The following SYNPO2 variants were observed in gnomAD, a reference collection of about 807,000 sequenced individuals.
The protein encoded by SYNPO2 is synaptopodin 2.
SYNPO2 carries 56 observed loss-of-function variants against 85.0 expected under a neutral mutation model. The ratio of observed to expected loss-of-function variants is 0.66; its 90% CI spans 0.53 to 0.82. The LOEUF (loss-of-function observed/expected upper bound fraction) is 0.82. SYNPO2 is among the 40% of genes least tolerant of loss of function. SYNPO2 has a pLI of 0.00. For missense variants in SYNPO2, 1,575 were observed against 1,534.2 expected (o/e 1.03, Z -0.44); for synonymous variants, 602 against 591.1 (o/e 1.02, Z -0.27).
chr4:119,027,513 T>C (rs1249228789), intron 3 of SYNPO2, 75 bp downstream of exon 3: 2 of 1,334,782 alleles, frequency 1.5e-6, no homozygotes, highest in South Asian at 1.7e-5. Flanking sequence ...TGCATGAGTT[T>C]TTCAGCAAGA....
intron 4 of SYNPO2, chr4:119,033,672 GCTGTCA>G: frequency 1.0e-6 from 1 of 985,164 alleles, no homozygotes; most frequent in Non-Finnish European, 1.2e-6. Context: ...CTCTTTTTCT[GCTGTCA>G]CTGTCAATCT....
intron 1 of SYNPO2, among the ~76,000 whole-genome samples, chr4:118,968,535 A>G (rs1343806716): frequency 2.0e-5 from 3 of 152,206 alleles, no homozygotes; most frequent in Non-Finnish European, 4.4e-5. Context: ...CAGCTAAGAA[A>G]GCACCCATAG....
intron 4 of SYNPO2, among the ~76,000 whole-genome samples, chr4:119,044,634 GATTA>G (rs1323267135): frequency 1.2e-4 from 19 of 152,090 alleles, no homozygotes; most frequent in Admixed American, 4.6e-4. Flanking sequence ...AAGTTCAAGT[GATTA>G]AGATTCCTAA....
intron 1 of SYNPO2, among the ~76,000 whole-genome samples, chr4:118,966,668 A>G (rs10002266): frequency 4.5e-4 from 68 of 152,278 alleles, no homozygotes; most frequent in African/African-American, 1.6e-3. Flanking sequence ...ACACACACAT[A>G]CTTCTGGGAT....
At chr4:118,937,189 A>G (rs1734136181) in intron 1 of SYNPO2, among the ~76,000 whole-genome samples, 1 of 152,162 alleles carries the variant, frequency 6.6e-6, no homozygotes. Flanking sequence ...ATTCCTCATA[A>G]GTTTTGCAAG....
intron 1 of SYNPO2, among the ~76,000 whole-genome samples, chr4:118,994,740 A>G (rs1400930344): frequency 5.9e-5 from 9 of 152,200 alleles, no homozygotes; most frequent in Admixed American, 4.6e-4. Context: ...ATTCCCATAA[A>G]CATCTTGGAC....
chr4:119,031,467 G>A lies in SYNPO2; in HGVS notation c.2692G>A (p.Ala898Thr). The change falls in exon 4 of 5, where the codon GCT becomes ACT. Residue 898 changes from alanine (A) to threonine (T), a missense_variant. Transcript: ENST00000307142. ...VDSDTVQAHA[A>T]RAQSPTPSLP... ...TTCAGACACGGTGCAGGCCCACGCT[G>A]CTCGAGCTCAGTCTCCCACTCCATC... The A allele has an allele frequency of 6.2e-7, 1 of 1,614,160 alleles. No individual in the cohort carries two copies. The highest frequency in any genetic ancestry group is 8.5e-7 in the Non-Finnish European group (1 of 1,180,022).
intron 1 of SYNPO2, among the ~76,000 whole-genome samples, chr4:118,937,349 C>A (rs1465225920): frequency 6.6e-6 from 1 of 152,162 alleles, no homozygotes; most frequent in Non-Finnish European, 1.5e-5. Context: ...GCTTGAAACA[C>A]TCCCGGTCTC....
chr4:118,908,860 T>C (rs1197698475), intron 1 of SYNPO2, among the ~76,000 whole-genome samples: 1 of 152,194 alleles, frequency 6.6e-6, no homozygotes, highest in African/African-American at 2.4e-5. Flanking sequence ...AAAACCTTTA[T>C]TTTGTTTTTA....
intron 1 of SYNPO2, among the ~76,000 whole-genome samples, chr4:118,859,585 C>T (rs1286644265): frequency 2.0e-5 from 3 of 152,186 alleles, no homozygotes; most frequent in Admixed American, 1.3e-4. Context: ...CTACCCTTCC[C>T]AGCCTCTGGT....
chr4:118,873,862 G>T (rs534482845), intron 1 of SYNPO2, among the ~76,000 whole-genome samples: 6 of 152,210 alleles, frequency 3.9e-5, no homozygotes, highest in Non-Finnish European at 7.4e-5. Flanking sequence ...TTTCGTATAT[G>T]GTAAGAGAGA....
chr4:118,853,031 C>T lies in SYNPO2; in HGVS notation c.12+2091C>T, dbSNP rs576875015. On this transcript the variant is annotated intron_variant, in intron 1 of 4. Transcript: ENST00000610556. Reference sequence around the variant, plus strand: ...GTGGCAGACACAACTTTTCCAAATTCATATTTTTACTTGAAAGCTCAAGTT... The same window carrying T: ...GTGGCAGACACAACTTTTCCAAATTTATATTTTTACTTGAAAGCTCAAGTT... Among the ~76,000 whole-genome samples, 6 of 152,260 alleles carry T rather than the reference C, an allele frequency of 3.9e-5. No individual in the cohort carries two copies. In the South Asian group the frequency reaches 1.2e-3, roughly 32 times the overall value.
chr4:119,051,472 T>G (rs1048651259), intron 4 of SYNPO2, among the ~76,000 whole-genome samples: 1 of 151,800 alleles, frequency 6.6e-6, no homozygotes, highest in Non-Finnish European at 1.5e-5. Flanking sequence ...ATTACAGGCG[T>G]GAGCCACCGC....
intron 1 of SYNPO2, among the ~76,000 whole-genome samples, chr4:119,000,933 G>A (rs1427895001): frequency 6.6e-6 from 1 of 151,996 alleles, no homozygotes; most frequent in Admixed American, 6.6e-5. Flanking sequence ...CCATTCACTG[G>A]GGCACAAATC....
intron 1 of SYNPO2, among the ~76,000 whole-genome samples, chr4:118,904,982 G>A (rs1455988753): frequency 6.6e-6 from 1 of 152,204 alleles, no homozygotes; most frequent in Non-Finnish European, 1.5e-5. Flanking sequence ...CAGGTCTCCA[G>A]TATTTTGGCT....
At chr4:118,895,279 G>A (rs558218598) in intron 1 of SYNPO2, among the ~76,000 whole-genome samples, 102 of 152,244 alleles carry the variant, frequency 6.7e-4, no homozygotes, top group African/African-American at 2.4e-3. Flanking sequence ...TGGAAAGGAG[G>A]GTACCTGCTC....
In SYNPO2 at chr4:119,030,556, G is replaced by A. The variant is rs753715257; in HGVS notation, c.1781G>A (p.Gly594Glu). Reference protein sequence around the residue: ...PMNRTAKPFPGSVNQPATPFS... With the variant: ...PMNRTAKPFPESVNQPATPFS... ...AATAGAACGGCCAAACCCTTCCCAG[G>A]GTCTGTGAATCAGCCAGCTACCCCC... is the stretch of plus-strand genomic sequence containing the variant. The change falls in exon 4 of 5, where the codon GGG becomes GAG. Residue 594 changes from glycine to glutamate, a missense_variant. By Grantham distance (98) the Gly-to-Glu change is moderately conservative (BLOSUM62 -2). Coordinates refer to ENST00000307142, the MANE Select transcript of SYNPO2 (RefSeq NM_133477.3). The A allele has an allele frequency of 1.2e-6, 2 of 1,613,994 alleles. No homozygotes were observed. Among genetic ancestry groups the A allele is most frequent in the South Asian group, 1.1e-5 (1 of 91,060 alleles).
chr4:118,895,976 G>A (rs1042678657), intron 1 of SYNPO2, among the ~76,000 whole-genome samples: 6 of 151,868 alleles, frequency 4.0e-5, no homozygotes, highest in Non-Finnish European at 2.9e-5. Context: ...TATTAATTCG[G>A]TTGATAAAGT....
chr4:118,914,327 G>T (rs560211908), intron 1 of SYNPO2, among the ~76,000 whole-genome samples: 3 of 152,046 alleles, frequency 2.0e-5, no homozygotes, highest in Non-Finnish European at 4.4e-5. Flanking sequence ...GGAAATCTAG[G>T]GATAATAGCT....
Sources: allele counts gnomAD v4.1 joint callset (sites outside exome capture counted in the v4.1 genomes callset), GRCh38; gene constraint gnomAD v4.1.1; transcripts MANE v1.5; gene names NCBI Gene and HGNC (gene_info 2026-07-23, HGNC 2026-07-21).